Variants in GLT8D1 observed in about 807,000 individuals in gnomAD.
GLT8D1 encodes the protein glycosyltransferase 8 domain-containing protein 1.
GLT8D1 carries 41 observed loss-of-function variants against 46.2 expected under a neutral mutation model. The ratio of observed to expected loss-of-function variants is 0.89; its 90% CI spans 0.69 to 1.15. The LOEUF is 1.15. Among genes scored for constraint, GLT8D1 ranks in the 50% most tolerant of loss-of-function variants. The pLI, the probability that GLT8D1 is intolerant of heterozygous loss-of-function variation, is 0.00. For synonymous variants in GLT8D1, 150 were observed against 154.2 expected, an observed-to-expected ratio of 0.97 and a Z score of 0.20; for missense variants, 408 against 449.3, an observed-to-expected ratio of 0.91 and a Z score of 0.83.
Position 52,705,764 on chromosome 3 carries a change from C to A in GLT8D1, c.-354G>T, listed in dbSNP as rs1056178670. 8.8e-7 allele frequency: 1 copy of A among 1,134,536 alleles called. No homozygotes were observed. Among genetic ancestry groups the A allele is most frequent in the African/African-American group, 1.6e-5 (1 of 61,208 alleles). The allele number at this position is 1,134,536 out of a possible 1,614,324, so 70.3% of individuals were successfully genotyped here. A position where few individuals can be genotyped will look rare whatever the true frequency, so the allele number is the denominator to read the frequency against. On this transcript the variant is annotated 5_prime_UTR_variant, in exon 1 of 10. Transcript: ENST00000266014. ...CCCAGCCAGCCCGCAGCGGTAACCG[C>A]TAGAGCGTCGCGCCAAGCAGGCGCC...
intron 3 of GLT8D1, among the ~76,000 whole-genome samples, 180 bp from the exon 4 acceptor site, chr3:52,698,114 G>A (rs2097335756): frequency 6.6e-6 from 1 of 152,142 alleles, no homozygotes; most frequent in Non-Finnish European, 1.5e-5. Flanking sequence ...GAAAAGTGGA[G>A]GAAGCATTTT....
At chr3:52,698,941 T>G (rs1172067677) in intron 3 of GLT8D1, among the ~76,000 whole-genome samples, 1 of 152,104 alleles carries the variant, frequency 6.6e-6, no homozygotes, top group Non-Finnish European at 1.5e-5. Flanking sequence ...ATGTAATGTA[T>G]TTCCTATTGT....
intron 9 of GLT8D1, 25 bp downstream of exon 9, chr3:52,695,165 T>C (rs1231797933): frequency 6.5e-7 from 1 of 1,536,812 alleles, no homozygotes; most frequent in Non-Finnish European, 9.0e-7. Context: ...TTTACTAGCT[T>C]ATGCCACTGG....
At chr3:52,699,812 T>C (rs1280493040) in intron 3 of GLT8D1, among the ~76,000 whole-genome samples, 1 of 152,216 alleles carries the variant, frequency 6.6e-6, no homozygotes, top group Admixed American at 6.5e-5. Context: ...AAAATGATTT[T>C]TGACAAACAC....
At position 52,696,620 on chromosome 3, in the gene GLT8D1, G is replaced by C; in HGVS notation, c.369C>G (p.Tyr123Ter). 1 of 1,609,510 alleles carries C rather than the reference G, an allele frequency of 6.2e-7. No homozygotes were observed. The highest frequency in any genetic ancestry group is 2.2e-5 in the East Asian group (1 of 44,848). The change falls in exon 5 of 10, where the codon TAC becomes TAG. Residue 123 changes from tyrosine to a stop codon, truncating the protein, a stop_gained. Transcript: ENST00000266014. LOFTEE classifies it high-confidence loss of function. Reference sequence around the variant, plus strand: ...GTTTAGGGTCAAAATTGACAATTTTGTATCTGATGCTTTTCAGGGAATCAC... The same window carrying C: ...GTTTAGGGTCAAAATTGACAATTTTCTATCTGATGCTTTTCAGGGAATCAC... ...LNSDSLKSIR[Y>*]KIVNFDPKLL...
In GLT8D1 at chr3:52,696,245, A is replaced by G; in HGVS notation, c.521T>C (p.Val174Ala). ...GACATTTTTGATACCTTGCACAATT[A>G]CATCATCATCCATGTATATGGCCTT... Reference protein sequence around the residue: ...AKKAIYMDDDVIVQGDILALY... With the variant: ...AKKAIYMDDDAIVQGDILALY... Residue 174 changes from valine (V) to alanine (A), a missense_variant, in exon 6 of 10, where the codon GTA becomes GCA. Coordinates refer to ENST00000266014, the MANE Select transcript of GLT8D1 (RefSeq NM_018446.4). 6.2e-7 allele frequency: 1 copy of G among 1,604,276 alleles called. No individual in the cohort carries two copies. The highest frequency in any genetic ancestry group is 8.5e-7 in the Non-Finnish European group (1 of 1,170,976).
At position 52,696,054 on chromosome 3, in the gene GLT8D1, G is replaced by T; in HGVS notation, c.533-14C>A. On this transcript the variant is annotated splice_polypyrimidine_tract_variant and intron_variant, in intron 6 of 9. Transcript: ENST00000266014. Reference sequence around the variant, plus strand: ...CAAGAATATCACCTGAAATAGACAAGATGTTAAGATTTACATTTCCGTTGC... The same window carrying T: ...CAAGAATATCACCTGAAATAGACAATATGTTAAGATTTACATTTCCGTTGC... 1 of 1,503,388 alleles carries T rather than the reference G, an allele frequency of 6.7e-7. No individual in the cohort carries two copies. The highest frequency in any genetic ancestry group is 9.3e-7 in the Non-Finnish European group (1 of 1,079,544). The allele number at this position is 1,503,388 out of a possible 1,614,324, so 93.1% of individuals were successfully genotyped here.
At chr3:52,700,853 G>A (rs1358030255) in intron 1 of GLT8D1, among the ~76,000 whole-genome samples, 1 of 152,104 alleles carries the variant, frequency 6.6e-6, no homozygotes, top group Non-Finnish European at 1.5e-5. Flanking sequence ...CATGAGGTCA[G>A]GAGTTCAAGA....
At chr3:52,697,102 T>A (rs2097334492) in intron 4 of GLT8D1, among the ~76,000 whole-genome samples, 4 of 152,248 alleles carry the variant, frequency 2.6e-5, no homozygotes, top group African/African-American at 9.6e-5. Context: ...TTCTGTATTT[T>A]AAATGCGTTC....
chr3:52,695,281 G>T lies in GLT8D1; in HGVS notation c.834C>A (p.Thr278=). The change falls in exon 9 of 10, where the codon ACC becomes ACA. Residue 278 remains threonine, a synonymous_variant. Coordinates refer to ENST00000266014, the MANE Select transcript of GLT8D1 (RefSeq NM_018446.4). Reference sequence around the variant, plus strand: ...GAGGTGTTGTGATGCTACCAGCCAGGGTTCTGCTATACAGTCCCTCTCTTG... The same window carrying T: ...GAGGTGTTGTGATGCTACCAGCCAGTGTTCTGCTATACAGTCCCTCTCTTG... ...LNVEEGLYSR[T]LAGSITTPPL... The T allele has an allele frequency of 6.2e-7, 1 of 1,613,228 alleles. No individual in the cohort carries two copies. Among genetic ancestry groups the T allele is most frequent in the Non-Finnish European group, 8.5e-7 (1 of 1,179,360 alleles).
chr3:52,700,133 T>C (rs1296656108), intron 3 of GLT8D1, 129 bp downstream of exon 3: 3 of 622,192 alleles, frequency 4.8e-6, no homozygotes, highest in Non-Finnish European at 8.5e-6. Context: ...AAAAGGAATA[T>C]TCTGTCAGAT....
Position 52,694,984 on chromosome 3 carries a change from A to G in GLT8D1, c.977T>C (p.Leu326Ser). The G allele has an allele frequency of 6.2e-7, 1 of 1,612,648 alleles. No homozygotes were observed. Among genetic ancestry groups the G allele is most frequent in the Non-Finnish European group, 8.5e-7 (1 of 1,178,590 alleles). Residue 326 changes from leucine (L) to serine (S), a missense_variant, in exon 10 of 10, where the codon TTA (leucine) becomes TCA (serine). Coordinates refer to ENST00000266014, the MANE Select transcript of GLT8D1 (RefSeq NM_018446.4). ...YSPQFVKAAK[L>S]LHWNGHLKPW... The stretch of plus-strand genomic sequence containing the variant: ...CTTCAAATGTCCATTCCAATGGAGT[A>G]ACTTGGCAGCCTTTACAAACTGAGG...
chr3:52,704,631 GA>G (rs962638520), intron 1 of GLT8D1: 1 of 152,222 alleles, frequency 6.6e-6, no homozygotes, highest in African/African-American at 2.4e-5. Context: ...TCTGAGGTCA[GA>G]AAAGTGTCAA....
intron 1 of GLT8D1, among the ~76,000 whole-genome samples, chr3:52,702,805 G>A (rs553931397): frequency 2.2e-4 from 30 of 137,908 alleles, no homozygotes; most frequent in Middle Eastern, 3.8e-3. Context: ...TTTTTTTTTC[G>A]AGACAGAGTC....
chr3:52,696,999 G>A lies in GLT8D1; in HGVS notation c.330-340C>T, dbSNP rs866107771. On this transcript the variant is annotated intron_variant, in intron 4 of 9. Coordinates refer to ENST00000266014, the MANE Select transcript of GLT8D1 (RefSeq NM_018446.4). ...CTGTAAGAAAAAACTGTTTGCTAAA[G>A]GAGTACTGCACATTTTTTCTAGGTC... is the stretch of plus-strand genomic sequence containing the variant. Among the ~76,000 whole-genome samples the A allele has an allele frequency of 6.8e-4, 42 of 61,334 alleles. 1 individual carries two copies. The highest frequency in any genetic ancestry group is 1.4e-3 in the South Asian group (4 of 2,934). The allele number at this position is 61,334 out of a possible 152,430, so 40.2% of individuals were successfully genotyped here.
chr3:52,695,663 G>C (rs2097332526), intron 7 of GLT8D1, 76 bp from the exon 8 acceptor site: 1 of 880,092 alleles, frequency 1.1e-6, no homozygotes, highest in South Asian at 1.6e-5. Context: ...GTAGAGAGAA[G>C]AGCTGTTAAA....
intron 1 of GLT8D1, among the ~76,000 whole-genome samples, chr3:52,704,441 AG>A (rs1212878944): frequency 1.4e-5 from 2 of 143,790 alleles, no homozygotes; most frequent in African/African-American, 2.6e-5. Context: ...CCTGGGCAAC[AG>A]AGCGAGTCTT....
At chr3:52,702,774 ATCTT>A (rs1430184766) in intron 1 of GLT8D1, among the ~76,000 whole-genome samples, 5 of 149,682 alleles carry the variant, frequency 3.3e-5, no homozygotes, top group East Asian at 2.0e-4. Context: ...GAAAATACAC[ATCTT>A]TCTTTCTTTC....
intron 7 of GLT8D1, 27 bp from the exon 8 acceptor site, chr3:52,695,614 C>T (rs771985276): frequency 3.0e-6 from 4 of 1,353,346 alleles, no homozygotes; most frequent in Admixed American, 3.6e-5. Flanking sequence ...GATATATGTA[C>T]TTACTGCTTC....
Sources: gnomAD v4.1 joint callset for allele counts (sites outside exome capture counted in the v4.1 genomes callset) on GRCh38, gnomAD v4.1.1 for gene constraint, MANE v1.5 for transcripts, NCBI Gene and HGNC (gene_info 2026-07-23, HGNC 2026-07-21) for gene names.